Variants in NCBP2L observed in about 807,000 individuals in gnomAD.
The protein encoded by NCBP2L is nuclear cap binding protein subunit 2 like.
For synonymous variants in NCBP2L, 39 were observed against 19.2 expected, an observed-to-expected ratio of 2.04 and a Z score of -2.70; for missense variants, 95 against 53.1, an observed-to-expected ratio of 1.79 and a Z score of -2.45.
chrX:107,791,067 A>C, intron 1 of NCBP2L, among the ~76,000 whole-genome samples: 1 of 111,895 alleles, frequency 8.9e-6, no homozygotes, highest in East Asian at 2.8e-4. Flanking sequence ...TTGTTTCCCC[A>C]GAATTTAACA....
chrX:107,783,909 G>A (rs1744175078), intron 1 of NCBP2L, among the ~76,000 whole-genome samples: 1 of 101,198 alleles, frequency 9.9e-6, no homozygotes, highest in East Asian at 3.0e-4. Flanking sequence ...GGGAGCACAG[G>A]CAAGTAAAGA....
At chrX:107,787,051 G>C (rs1257430114) in intron 1 of NCBP2L, among the ~76,000 whole-genome samples, 1 of 111,514 alleles carries the variant, frequency 9.0e-6, no homozygotes, top group Non-Finnish European at 1.9e-5. Flanking sequence ...AACCACATAC[G>C]TCAGTGCTTC....
At chrX:107,780,875 G>A (rs1175678325) in intron 1 of NCBP2L, among the ~76,000 whole-genome samples, 3 of 105,322 alleles carry the variant, frequency 2.8e-5, no homozygotes, top group African/African-American at 1.1e-4. Context: ...AGATCCACCC[G>A]TCTTGGCCTC....
chrX:107,790,083 C>A (rs1251175122), intron 1 of NCBP2L, among the ~76,000 whole-genome samples: 2 of 110,345 alleles, frequency 1.8e-5, no homozygotes, highest in Admixed American at 1.9e-4. Flanking sequence ...TCTGTCTGCC[C>A]AACTGACACC....
intron 1 of NCBP2L, among the ~76,000 whole-genome samples, chrX:107,781,651 C>CATCTATCTATCTATCT (rs1168324440): frequency 0.017 from 1,106 of 65,166 alleles, 22 homozygotes; most frequent in Middle Eastern, 0.02. Flanking sequence ...ATCTATCTAT[C>CATCTATCTATCTATCT]ATCTATCTAT....
intron 1 of NCBP2L, among the ~76,000 whole-genome samples, chrX:107,791,836 G>T (rs1930455885): frequency 8.9e-6 from 1 of 112,257 alleles, no homozygotes. Flanking sequence ...CAGATGAGAA[G>T]ATTGAAATCA....
intron 1 of NCBP2L, among the ~76,000 whole-genome samples, chrX:107,785,039 A>G (rs1930379577): frequency 1.9e-5 from 2 of 107,151 alleles, no homozygotes; most frequent in South Asian, 8.5e-4. Context: ...GAAGGAAGGA[A>G]AGAAAGAAAG....
At chrX:107,791,974 C>G (rs894453041) in intron 1 of NCBP2L, among the ~76,000 whole-genome samples, 3 of 112,186 alleles carry the variant, frequency 2.7e-5, no homozygotes, top group Non-Finnish European at 5.6e-5. Context: ...AGGGGCATCT[C>G]CACTGCTTCA....
At chrX:107,781,621 AT>A (rs1930270817) in intron 1 of NCBP2L, among the ~76,000 whole-genome samples, 1 of 93,273 alleles carries the variant, frequency 1.1e-5, no homozygotes, top group Non-Finnish European at 2.1e-5. Flanking sequence ...CCTGGGATCC[AT>A]CTATCATTCT....
Position 107,794,879 on chromosome X carries a change from A to T in NCBP2L, c.*197A>T. 2.8e-6 allele frequency: 1 copy of T among 353,350 alleles called. No homozygotes were observed. Among genetic ancestry groups the T allele is most frequent in the Non-Finnish European group, 5.0e-6 (1 of 201,421 alleles). The allele number at this position is 353,350 out of a possible 1,213,427, so 29.1% of individuals were successfully genotyped here. On this transcript the variant is annotated 3_prime_UTR_variant, in exon 2 of 2. Coordinates refer to ENST00000509000, the MANE Select transcript of NCBP2L (RefSeq NM_001348372.2). ...TCTGAATTTTGAAGATGCTTTTCAG[A>T]TTACCAGTTTGACTGTTAGGTGGTC... is the stretch of plus-strand genomic sequence containing the variant.
Position 107,793,289 on chromosome X carries a change from G to A in NCBP2L, c.-72-860G>A, listed in dbSNP as rs1193602300. Among the ~76,000 whole-genome samples the A allele has an allele frequency of 2.0e-4, 22 of 111,134 alleles. 1 individual carries two copies. The highest frequency in any genetic ancestry group is 2.1e-4 in the Non-Finnish European group (11 of 52,968). On this transcript the variant is annotated intron_variant, in intron 1 of 1. Transcript: ENST00000509000. Reference sequence around the variant, plus strand: ...ACTGAATCAGAATATCTTAAGAGTGGGCTGCAAGAATCTGTATTTTAATCT... The same window carrying A: ...ACTGAATCAGAATATCTTAAGAGTGAGCTGCAAGAATCTGTATTTTAATCT...
At chrX:107,781,827 T>TATATAGATATCTAGATATCTATATAG (rs1930294830) in intron 1 of NCBP2L, among the ~76,000 whole-genome samples, 2 of 97,504 alleles carry the variant, frequency 2.1e-5, no homozygotes, top group Non-Finnish European at 4.1e-5. Context: ...TATCTATATA[T>TATATAGATATCTAGATATCTATATAG]AGAGAGATAT....
At chrX:107,789,333 T>C (rs901260297) in intron 1 of NCBP2L, among the ~76,000 whole-genome samples, 1 of 110,446 alleles carries the variant, frequency 9.1e-6, no homozygotes, top group Admixed American at 9.7e-5. Flanking sequence ...CTTCAACAAC[T>C]CCTTCTCTAC....
At chrX:107,792,698 C>T (rs185847745) in intron 1 of NCBP2L, among the ~76,000 whole-genome samples, 1 of 111,907 alleles carries the variant, frequency 8.9e-6, no homozygotes, top group African/African-American at 3.3e-5. Flanking sequence ...CTGCAACACA[C>T]ACATATACAT....
chrX:107,782,197 AT>A (rs1930305480), intron 1 of NCBP2L, among the ~76,000 whole-genome samples: 1 of 13,792 alleles, frequency 7.3e-5, no homozygotes, highest in East Asian at 2.4e-3. Context: ...ATATATATAA[AT>A]ATATATATAT....
At chrX:107,790,488 C>T (rs1930437075) in intron 1 of NCBP2L, among the ~76,000 whole-genome samples, 1 of 110,976 alleles carries the variant, frequency 9.0e-6, no homozygotes, top group Non-Finnish European at 1.9e-5. Flanking sequence ...TACAAGGCCC[C>T]TCACAATCTG....
intron 1 of NCBP2L, among the ~76,000 whole-genome samples, chrX:107,778,124 G>A (rs1410597716): frequency 9.0e-6 from 1 of 110,702 alleles, no homozygotes; most frequent in African/African-American, 3.3e-5. Flanking sequence ...TAATTACAGT[G>A]TTTATGTTTT....
intron 1 of NCBP2L, among the ~76,000 whole-genome samples, chrX:107,781,676 A>ATCTATCTATCTCTCTCTCTCTC (rs1380779020): frequency 7.2e-5 from 4 of 55,883 alleles, no homozygotes; most frequent in African/African-American, 4.5e-4. Flanking sequence ...CTATCTATCT[A>ATCTATCTATCTCTCTCTCTCTC]TCTCTCTCTC....
At position 107,785,976 on chromosome X, in the gene NCBP2L, TA is replaced by T. The variant is rs199909333; in HGVS notation, c.-73+8129del. 9.1e-3 allele frequency among the ~76,000 whole-genome samples: 960 copies of T among 104,946 alleles called. 5 individuals carry two copies. The highest frequency in any genetic ancestry group is 0.016 in the South Asian group (38 of 2,406). 91.1% of individuals were successfully genotyped at this position (104,946 alleles called of 115,157 possible). A position where few individuals can be genotyped will look rare whatever the true frequency, so the allele number is the denominator to read the frequency against. On this transcript the variant is annotated intron_variant, in intron 1 of 1. Coordinates refer to ENST00000509000, the MANE Select transcript of NCBP2L (RefSeq NM_001348372.2). ...ATTAGGGGCCCCTGACCTAATATAGTAAAAAAAAAAATGGTTTGTGTTGTCA... is the reference window on the plus strand; with the variant it reads ...ATTAGGGGCCCCTGACCTAATATAGTAAAAAAAAAATGGTTTGTGTTGTCA...
Sources: allele counts gnomAD v4.1 joint callset (sites outside exome capture counted in the v4.1 genomes callset), GRCh38; gene constraint gnomAD v4.1.1; transcripts MANE v1.5; gene names NCBI Gene and HGNC (gene_info 2026-07-23, HGNC 2026-07-21).